The following LGR5 variants were observed in gnomAD, a reference collection of about 807,000 sequenced individuals.
LGR5 encodes the protein leucine rich repeat containing G protein-coupled receptor 5.
In LGR5, 54 loss-of-function variants were observed where a neutral mutation model predicts 76.7. The observed-to-expected ratio is 0.70, with a 90% CI of 0.57 to 0.88. The LOEUF is 0.88. LGR5 is among the 40% of genes least tolerant of loss of function. LGR5 has a pLI of 0.00. For synonymous variants in LGR5, 406 were observed against 421.9 expected, an observed-to-expected ratio of 0.96 and a Z score of 0.46; for missense variants, 1,078 against 1,073.3, an observed-to-expected ratio of 1.00 and a Z score of -0.06.
chr12:71,507,538 T>A (rs908938585), intron 2 of LGR5, among the ~76,000 whole-genome samples: 4 of 152,318 alleles, frequency 2.6e-5, no homozygotes, highest in Admixed American at 6.5e-5. Flanking sequence ...TGATATACTA[T>A]CTATGAGAAA....
chr12:71,572,725 T>G (rs1046961923), intron 12 of LGR5, 125 bp from the exon 13 acceptor site: 1 of 656,390 alleles, frequency 1.5e-6, no homozygotes, highest in Non-Finnish European at 2.7e-6. Flanking sequence ...ATCAGTCACT[T>G]GATAGATACA....
chr12:71,490,863 A>G (rs922706373), intron 1 of LGR5, among the ~76,000 whole-genome samples: 1 of 152,150 alleles, frequency 6.6e-6, no homozygotes, highest in Non-Finnish European at 1.5e-5. Flanking sequence ...AAGTTTGTTC[A>G]TGATTACCTT....
Position 71,566,023 on chromosome 12 carries a change from G to A in LGR5, c.858-381G>A, listed in dbSNP as rs572737714. On this transcript the variant is annotated intron_variant, in intron 8 of 17. Coordinates refer to ENST00000266674, the MANE Select transcript of LGR5 (RefSeq NM_003667.4). ...CAGTTGATATCGATAGATAGACTTC[G>A]TCTTTCATTAAGTAATGATCTGATT... 7.9e-5 allele frequency among the ~76,000 whole-genome samples: 12 copies of A among 152,156 alleles called. No homozygotes were observed. In the South Asian group the frequency reaches 8.3e-4, roughly 11 times the overall value.
In LGR5 at chr12:71,584,548, C is replaced by G. The variant is rs1169640723; in HGVS notation, c.2538C>G (p.His846Gln). ...KQTYVWTRSK[H>Q]PSLMSINSDD... is the part of the protein sequence containing the mutation. Reference sequence around the variant, plus strand: ...CCTACGTCTGGACAAGATCAAAACACCCAAGCTTGATGTCAATTAACTCTG... The same window carrying G: ...CCTACGTCTGGACAAGATCAAAACAGCCAAGCTTGATGTCAATTAACTCTG... The change falls in exon 18 of 18, where the codon CAC becomes CAG. Residue 846 changes from histidine (H) to glutamine (Q), a missense_variant. Transcript: ENST00000266674. 6.2e-7 allele frequency: 1 copy of G among 1,614,104 alleles called. No homozygotes were observed. The highest frequency in any genetic ancestry group is 1.3e-5 in the African/African-American group (1 of 75,036).
chr12:71,534,974 C>T (rs1010600813), intron 3 of LGR5, 141 bp from the exon 4 acceptor site: 2 of 555,292 alleles, frequency 3.6e-6, no homozygotes, highest in Non-Finnish European at 6.4e-6. Context: ...TCACTCTTCA[C>T]AGGAATTTCA....
intron 3 of LGR5, among the ~76,000 whole-genome samples, chr12:71,527,548 T>C (rs1209752594): frequency 6.6e-6 from 1 of 152,220 alleles, no homozygotes; most frequent in African/African-American, 2.4e-5. Flanking sequence ...GGAATTAATC[T>C]ATTTCATATG....
intron 1 of LGR5, among the ~76,000 whole-genome samples, chr12:71,461,055 T>C (rs1015933502): frequency 6.6e-6 from 1 of 152,136 alleles, no homozygotes; most frequent in Non-Finnish European, 1.5e-5. Context: ...GCATCCACAT[T>C]TGGAGGTTAT....
chr12:71,536,230 A>G (rs1289352436), intron 4 of LGR5, among the ~76,000 whole-genome samples: 1 of 152,236 alleles, frequency 6.6e-6, no homozygotes, highest in African/African-American at 2.4e-5. Flanking sequence ...GTTGTAAAGA[A>G]TCCTTCGGTT....
At chr12:71,452,659 C>T (rs949995741) in intron 1 of LGR5, among the ~76,000 whole-genome samples, 2 of 152,170 alleles carry the variant, frequency 1.3e-5, no homozygotes, top group South Asian at 4.1e-4. Context: ...CCTCATTTGA[C>T]CCTCCTAACA....
intron 1 of LGR5, among the ~76,000 whole-genome samples, chr12:71,445,702 G>A (rs1871959250): frequency 6.6e-6 from 1 of 151,384 alleles, no homozygotes; most frequent in Admixed American, 6.6e-5. Context: ...CTTGAAACTG[G>A]AACGGAGAAA....
intron 16 of LGR5, 85 bp downstream of exon 16, chr12:71,580,508 C>T (rs887001093): frequency 9.9e-6 from 14 of 1,409,082 alleles, no homozygotes; most frequent in African/African-American, 7.1e-5. Flanking sequence ...GAAAAGTCAT[C>T]GAACAGGCCG....
At chr12:71,480,220 C>T (rs1244320579) in intron 1 of LGR5, among the ~76,000 whole-genome samples, 2 of 151,784 alleles carry the variant, frequency 1.3e-5, no homozygotes, top group East Asian at 1.9e-4. Flanking sequence ...AAAAATTACC[C>T]GGATGTGGTG....
chr12:71,521,440 G>A lies in LGR5; in HGVS notation c.285-2966G>A, dbSNP rs146560302. On this transcript the variant is annotated intron_variant, in intron 2 of 17. Coordinates refer to ENST00000266674, the MANE Select transcript of LGR5 (RefSeq NM_003667.4). ...TTTTGTTGTTCTTGTTTTGCCTTCT[G>A]TGGAAGGTTCTCCAAACCAGAATTG... Among the ~76,000 whole-genome samples, 794 of 152,282 alleles carry A rather than the reference G, an allele frequency of 5.2e-3. 10 individuals are homozygous for A. The highest frequency in any genetic ancestry group is 0.018 in the African/African-American group (765 of 41,554).
intron 1 of LGR5, among the ~76,000 whole-genome samples, chr12:71,470,812 T>C (rs1873068228): frequency 1.3e-5 from 2 of 152,166 alleles, no homozygotes; most frequent in African/African-American, 4.8e-5. Flanking sequence ...GCCAAGATTG[T>C]CTTCCTCACT....
intron 1 of LGR5, among the ~76,000 whole-genome samples, chr12:71,488,110 T>C (rs888655195): frequency 6.6e-6 from 1 of 152,212 alleles, no homozygotes; most frequent in Non-Finnish European, 1.5e-5. Context: ...TAGGCAGCAA[T>C]TGCTTTGGTT....
chr12:71,580,868 A>G (rs1285301415), intron 16 of LGR5, among the ~76,000 whole-genome samples: 5 of 152,216 alleles, frequency 3.3e-5, no homozygotes, highest in African/African-American at 1.2e-4. Context: ...CTTGTACCTC[A>G]GCAAATTGTG....
At chr12:71,516,954 G>A (rs17815028) in intron 2 of LGR5, among the ~76,000 whole-genome samples, 7,578 of 147,590 alleles carry the variant, frequency 0.051, 242 homozygotes, top group Non-Finnish European at 0.075. Flanking sequence ...CAGAAGTGAA[G>A]ATAATGAAAG....
At chr12:71,582,787 T>C (rs1360714657) in intron 17 of LGR5, among the ~76,000 whole-genome samples, 1 of 152,184 alleles carries the variant, frequency 6.6e-6, no homozygotes, top group Non-Finnish European at 1.5e-5. Context: ...AGTATGTTGT[T>C]AGAGGCATAT....
At chr12:71,530,020 G>A (rs893906497) in intron 3 of LGR5, among the ~76,000 whole-genome samples, 1 of 150,898 alleles carries the variant, frequency 6.6e-6, no homozygotes, top group Non-Finnish European at 1.5e-5. Context: ...TCCTGAGGTA[G>A]TTGCATATGA....
Sources: allele counts gnomAD v4.1 joint callset (sites outside exome capture counted in the v4.1 genomes callset), GRCh38; gene constraint gnomAD v4.1.1; transcripts MANE v1.5; gene names NCBI Gene and HGNC (gene_info 2026-07-23, HGNC 2026-07-21).